The following HELZ variants were observed in gnomAD, a reference collection of about 807,000 sequenced individuals.
HELZ encodes helicase with zinc finger, also known as ATP-dependent RNA helicase with zinc finger domain.
In HELZ, 23 loss-of-function variants were observed where a neutral mutation model predicts 218.2. The observed-to-expected ratio is 0.11, with a 90% CI of 0.08 to 0.15. The LOEUF is 0.15. Among genes scored for constraint, HELZ ranks in the 10% least tolerant of loss-of-function variants. The pLI, the probability that HELZ is intolerant of heterozygous loss-of-function variation, is 1.00. For synonymous variants in HELZ, 814 were observed against 829.4 expected (o/e 0.98, Z 0.32); for missense variants, 1,813 against 2,353.7 (o/e 0.77, Z 4.75).
chr17:67,215,851 C>A, intron 5 of HELZ, 48 bp downstream of exon 5: 1 of 1,276,720 alleles, frequency 7.8e-7, no homozygotes, highest in Non-Finnish European at 1.1e-6. Context: ...AAAATCAAAC[C>A]TTAAACATTG....
intron 31 of HELZ, among the ~76,000 whole-genome samples, chr17:67,103,952 C>G (rs1350742240): frequency 6.6e-6 from 1 of 152,178 alleles, no homozygotes; most frequent in African/African-American, 2.4e-5. Context: ...CATCTACAGT[C>G]AACTGATTTT....
intron 18 of HELZ, 78 bp downstream of exon 18, chr17:67,150,968 C>T (rs2038663867): frequency 8.0e-7 from 1 of 1,254,216 alleles, no homozygotes; most frequent in East Asian, 2.3e-5. Flanking sequence ...TTGGCCCACA[C>T]ACTGTAGTTT....
In HELZ at chr17:67,109,611, G is replaced by A. The variant is rs2037218013; in HGVS notation, c.3994C>T (p.Pro1332Ser). The A allele has an allele frequency of 6.2e-7, 1 of 1,614,088 alleles. No homozygotes were observed. Among genetic ancestry groups the A allele is most frequent in the Non-Finnish European group, 8.5e-7 (1 of 1,180,010 alleles). ...PSVVYPSTKF[P>S]RKDNLNPRHI... is the part of the protein sequence containing the mutation. ...CTTGGGTTGAGATTATCTTTGCGAG[G>A]AAATTTGGTACTGGGATAAACAACA... The change falls in exon 29 of 33, where the codon CCT (proline) becomes TCT (serine). Residue 1332 changes from proline (P) to serine (S), a missense_variant. Physicochemically the swap from Pro to Ser is moderately conservative, Grantham distance 74. Transcript: ENST00000358691.
In HELZ at chr17:67,209,033, A is replaced by AAGGGAGAG. The variant is rs1555623977; in HGVS notation, c.248-5591_248-5590insCTCTCCCT. On this transcript the variant is annotated intron_variant, in intron 5 of 32. Coordinates refer to ENST00000358691, the MANE Select transcript of HELZ (RefSeq NM_014877.4). ...GAAGGAAGGAAGGAAGGAAGGGAGGAAGGGAGGGAGGGAGGGAGGGAGGGA... is the reference window on the plus strand; with the variant it reads ...GAAGGAAGGAAGGAAGGAAGGGAGGAAGGGAGAGAGGGAGGGAGGGAGGGAGGGAGGGA... Among the ~76,000 whole-genome samples the AAGGGAGAG allele has an allele frequency of 1.1e-3, 124 of 112,496 alleles. 1 individual carries two copies. Among genetic ancestry groups the AAGGGAGAG allele is most frequent in the African/African-American group, 4.4e-3 (116 of 26,516 alleles). 73.8% of individuals were successfully genotyped at this position (112,496 alleles called of 152,430 possible). A position where few individuals can be genotyped will look rare whatever the true frequency, so the allele number is the denominator to read the frequency against.
chr17:67,090,308 G>C (rs1249292423), intron 31 of HELZ, among the ~76,000 whole-genome samples: 1 of 152,098 alleles, frequency 6.6e-6, no homozygotes, highest in East Asian at 1.9e-4. Context: ...AATTCAAATG[G>C]CTAATGTCTT....
intron 32 of HELZ, among the ~76,000 whole-genome samples, chr17:67,085,950 T>G (rs1455145875): frequency 6.6e-6 from 1 of 152,196 alleles, no homozygotes; most frequent in African/African-American, 2.4e-5. Context: ...TTTTTGTTTT[T>G]TAGCCATGAA....
At chr17:67,142,788 GCT>G (rs1314347643) in intron 21 of HELZ, among the ~76,000 whole-genome samples, 1 of 151,926 alleles carries the variant, frequency 6.6e-6, no homozygotes, top group Non-Finnish European at 1.5e-5. Context: ...ACAGGGTCTA[GCT>G]CTGTCACCCA....
At chr17:67,182,744 C>T (rs1044768925) in intron 12 of HELZ, among the ~76,000 whole-genome samples, 9 of 152,186 alleles carry the variant, frequency 5.9e-5, no homozygotes, top group African/African-American at 2.2e-4. Context: ...GTTGAAATAA[C>T]TACTCTAACA....
chr17:67,198,449 A>T (rs1273910427), intron 7 of HELZ, among the ~76,000 whole-genome samples: 1 of 152,170 alleles, frequency 6.6e-6, no homozygotes, highest in African/African-American at 2.4e-5. Flanking sequence ...TAGGTTCCAA[A>T]GTGTTGTGTT....
chr17:67,206,997 C>T (rs1293808401), intron 5 of HELZ, among the ~76,000 whole-genome samples: 2 of 151,218 alleles, frequency 1.3e-5, no homozygotes, highest in Non-Finnish European at 2.9e-5. Flanking sequence ...ACTGCAACCT[C>T]TGCCTCCCAG....
chr17:67,141,863 G>A (rs773141511), intron 21 of HELZ, among the ~76,000 whole-genome samples: 1 of 152,092 alleles, frequency 6.6e-6, no homozygotes, highest in Non-Finnish European at 1.5e-5. Context: ...GGCCAACATG[G>A]TGAAACCCTG....
intron 28 of HELZ, among the ~76,000 whole-genome samples, chr17:67,110,839 A>C (rs900571825): frequency 1.3e-5 from 2 of 152,236 alleles, no homozygotes; most frequent in Non-Finnish European, 2.9e-5. Context: ...TTACAGAAGA[A>C]GGTTGCTGAC....
intron 3 of HELZ, among the ~76,000 whole-genome samples, chr17:67,233,838 G>GAAC (rs150318704): frequency 4.2e-4 from 63 of 151,746 alleles, no homozygotes; most frequent in African/African-American, 1.5e-3. Context: ...TTGAGACATA[G>GAAC]AACTCAAGTT....
chr17:67,100,248 G>A (rs962749016), intron 31 of HELZ, among the ~76,000 whole-genome samples: 1 of 152,082 alleles, frequency 6.6e-6, no homozygotes, highest in Non-Finnish European at 1.5e-5. Context: ...TTGTTTGAAA[G>A]AAAAAATGAA....
At position 67,148,150 on chromosome 17, in the gene HELZ, G is replaced by T. The variant is rs576738209; in HGVS notation, c.2621+419C>A. On this transcript the variant is annotated intron_variant, in intron 20 of 32. Coordinates refer to ENST00000358691, the MANE Select transcript of HELZ (RefSeq NM_014877.4). ...CTTGTGACTGCTGGGGGGCCGGGAG[G>T]GGGGCAGTCTTCTAAGCCCTCAACC... 7.6e-4 allele frequency among the ~76,000 whole-genome samples: 115 copies of T among 152,290 alleles called. 1 individual carries two copies. Among genetic ancestry groups the T allele is most frequent in the African/African-American group, 2.7e-3 (112 of 41,564 alleles).
At chr17:67,231,818 G>A (rs530204422) in intron 3 of HELZ, among the ~76,000 whole-genome samples, 27 of 151,722 alleles carry the variant, frequency 1.8e-4, no homozygotes, top group African/African-American at 6.3e-4. Flanking sequence ...TTTGGGAGGC[G>A]GAGATGGGTG....
intron 3 of HELZ, among the ~76,000 whole-genome samples, chr17:67,222,713 T>C (rs1380929914): frequency 6.6e-6 from 1 of 152,172 alleles, no homozygotes; most frequent in African/African-American, 2.4e-5. Context: ...CTAAAGTGGT[T>C]TATCAAGCAT....
chr17:67,206,748 C>T (rs561029170), intron 5 of HELZ, among the ~76,000 whole-genome samples: 2 of 151,640 alleles, frequency 1.3e-5, no homozygotes, highest in African/African-American at 2.4e-5. Context: ...TACAGGCATG[C>T]GCCACCATAC....
chr17:67,101,239 T>C (rs2036920128), intron 31 of HELZ, among the ~76,000 whole-genome samples: 1 of 152,096 alleles, frequency 6.6e-6, no homozygotes, highest in Non-Finnish European at 1.5e-5. Context: ...GTTTAATGTA[T>C]TTCAAATAAA....
Sources: allele counts gnomAD v4.1 joint callset (sites outside exome capture counted in the v4.1 genomes callset), GRCh38; gene constraint gnomAD v4.1.1; transcripts MANE v1.5; gene names NCBI Gene and HGNC (gene_info 2026-07-23, HGNC 2026-07-21).